EFNA5: variants seen among roughly 807,000 people sequenced by gnomAD.
EFNA5 encodes ephrin A5.
EFNA5 carries 5 observed loss-of-function variants against 22.9 expected under a neutral mutation model. The observed-to-expected ratio is 0.22, with a 90% confidence interval of 0.11 to 0.46. EFNA5 has a LOEUF of 0.46. Among genes scored for constraint, EFNA5 ranks in the 20% least tolerant of loss-of-function variants. The pLI is 0.99. For missense variants in EFNA5, 237 were observed against 293.3 expected, an observed-to-expected ratio of 0.81 and a Z score of 1.40; for synonymous variants, 113 against 112.2, an observed-to-expected ratio of 1.01 and a Z score of -0.04.
intron 1 of EFNA5, among the ~76,000 whole-genome samples, chr5:107,657,899 T>G (rs965189844): frequency 6.6e-6 from 1 of 152,150 alleles, no homozygotes; most frequent in African/African-American, 2.4e-5. Flanking sequence ...CTTCTGAATT[T>G]AACTAGTTCC....
At chr5:107,599,399 T>C (rs574324656) in intron 1 of EFNA5, among the ~76,000 whole-genome samples, 4 of 150,548 alleles carry the variant, frequency 2.7e-5, no homozygotes, top group South Asian at 4.2e-4. Flanking sequence ...AAGTAGGGAT[T>C]ATAAAACATA....
intron 1 of EFNA5, among the ~76,000 whole-genome samples, chr5:107,453,958 TG>T (rs1749625214): frequency 6.6e-6 from 1 of 151,950 alleles, no homozygotes; most frequent in African/African-American, 2.4e-5. Flanking sequence ...TGTGTGTGTG[TG>T]TGTGTGTATG....
intron 1 of EFNA5, among the ~76,000 whole-genome samples, chr5:107,591,975 TAA>T (rs1417302232): frequency 6.2e-4 from 20 of 32,192 alleles, no homozygotes; most frequent in Non-Finnish European, 6.4e-4. Flanking sequence ...ATAATATATA[TAA>T]TATATAATAT....
intron 1 of EFNA5, among the ~76,000 whole-genome samples, chr5:107,556,785 TAAATA>T (rs200854665): frequency 0.012 from 1,708 of 141,734 alleles, 35 homozygotes; most frequent in African/African-American, 0.043. Flanking sequence ...AATAAATAAA[TAAATA>T]AAATAAAATA....
At chr5:107,488,580 A>G (rs900353997) in intron 1 of EFNA5, among the ~76,000 whole-genome samples, 6 of 152,240 alleles carry the variant, frequency 3.9e-5, no homozygotes, top group African/African-American at 1.4e-4. Context: ...CCAAGTTTAA[A>G]AGAGCACTCC....
intron 1 of EFNA5, among the ~76,000 whole-genome samples, chr5:107,607,451 C>T (rs1271848843): frequency 6.6e-6 from 1 of 152,230 alleles, no homozygotes; most frequent in East Asian, 1.9e-4. Flanking sequence ...TAAGACAACA[C>T]TGTCTAGTTT....
At chr5:107,661,507 T>C (rs1750960472) in intron 1 of EFNA5, among the ~76,000 whole-genome samples, 1 of 152,232 alleles carries the variant, frequency 6.6e-6, no homozygotes, top group Admixed American at 6.5e-5. Context: ...GCCAGGGCAG[T>C]GGCCATGCTG....
intron 1 of EFNA5, among the ~76,000 whole-genome samples, chr5:107,668,203 T>G (rs942616638): frequency 6.6e-6 from 1 of 152,168 alleles, no homozygotes; most frequent in African/African-American, 2.4e-5. Context: ...AATGATCAAA[T>G]AGAAAGGTAA....
rs529998042 is a variant in EFNA5 at position 107,591,830 on chromosome 5, T to A, written c.125+78659A>T. ...AGGGAGACTCCGTCTCAAAAAAATA[T>A]ATATATATATATAAAATATATATAA... On this transcript the variant is annotated intron_variant, in intron 1 of 4. Coordinates refer to ENST00000333274, the MANE Select transcript of EFNA5 (RefSeq NM_001962.3). Among the ~76,000 whole-genome samples, 397 of 101,408 alleles carry A rather than the reference T, an allele frequency of 3.9e-3. 12 individuals are homozygous for A. The highest frequency in any genetic ancestry group is 0.016 in the African/African-American group (372 of 23,278). 66.5% of individuals were successfully genotyped at this position (101,408 alleles called of 152,430 possible). A position where few individuals can be genotyped will look rare whatever the true frequency, so the allele number is the denominator to read the frequency against.
chr5:107,656,937 C>T (rs996454097), intron 1 of EFNA5, among the ~76,000 whole-genome samples: 2 of 152,052 alleles, frequency 1.3e-5, no homozygotes, highest in African/African-American at 4.8e-5. Context: ...TGAGTCCTTG[C>T]CTATCCAACA....
intron 2 of EFNA5, among the ~76,000 whole-genome samples, chr5:107,418,299 G>A (rs1338512769): frequency 6.6e-6 from 1 of 152,128 alleles, no homozygotes; most frequent in Non-Finnish European, 1.5e-5. Flanking sequence ...GTACACACAC[G>A]TGATACAGCA....
intron 1 of EFNA5, among the ~76,000 whole-genome samples, chr5:107,459,730 A>G (rs552464431): frequency 6.6e-6 from 1 of 152,302 alleles, no homozygotes; most frequent in South Asian, 2.1e-4. Flanking sequence ...ACGCAATGGC[A>G]CAGCAGAAGA....
chr5:107,566,639 G>A (rs1748671782), intron 1 of EFNA5, among the ~76,000 whole-genome samples: 1 of 152,162 alleles, frequency 6.6e-6, no homozygotes, highest in South Asian at 2.1e-4. Flanking sequence ...AATTACTGCA[G>A]CTTCACAGAC....
chr5:107,474,570 G>A (rs182497908), intron 1 of EFNA5, among the ~76,000 whole-genome samples: 20 of 152,176 alleles, frequency 1.3e-4, no homozygotes, highest in African/African-American at 3.9e-4. Flanking sequence ...ATGCATCTTT[G>A]CATTACGAAC....
intron 1 of EFNA5, among the ~76,000 whole-genome samples, chr5:107,641,465 G>A (rs1035455612): frequency 2.0e-5 from 3 of 152,058 alleles, no homozygotes; most frequent in Non-Finnish European, 4.4e-5. Context: ...ATAATTTTCT[G>A]ATTAAGGTTA....
At position 107,670,538 on chromosome 5, in the gene EFNA5, T is replaced by C; in HGVS notation, c.76A>G (p.Lys26Glu). The C allele has an allele frequency of 1.9e-6, 3 of 1,590,288 alleles. No homozygotes were observed. The highest frequency in any genetic ancestry group is 2.6e-6 in the Non-Finnish European group (3 of 1,168,004). Residue 26 changes from lysine to glutamate, a missense_variant, in exon 1 of 5, where the codon AAG becomes GAG. Around this residue, in one of 3 missense-constraint regions of EFNA5, gnomAD observed 120 missense variants for 140.5 expected, o/e 0.85. Transcript: ENST00000333274. ...MCVFSQDPGS[K>E]AVADRYAVYW... ...ACAGCGTAGCGGTCGGCGACGGCCT[T>C]GGAGCCCGGGTCCTGGCTGAACACA...
intron 1 of EFNA5, among the ~76,000 whole-genome samples, chr5:107,647,595 T>G (rs1467125324): frequency 6.6e-6 from 1 of 152,172 alleles, no homozygotes; most frequent in Admixed American, 6.5e-5. Flanking sequence ...TAAGTTAAGT[T>G]GAACAGCTTT....
intron 1 of EFNA5, among the ~76,000 whole-genome samples, chr5:107,543,131 C>A (rs1748079529): frequency 6.6e-6 from 1 of 152,200 alleles, no homozygotes; most frequent in Admixed American, 6.5e-5. Context: ...CTGCTCCAAG[C>A]CCTTCCTGGG....
Position 107,377,236 on chromosome 5 carries a change from T to A in EFNA5, c.*4019A>T, listed in dbSNP as rs528813199. 6.6e-6 allele frequency: 1 copy of A among 152,178 alleles called. No individual in the cohort carries two copies. Among genetic ancestry groups the A allele is most frequent in the East Asian group, 1.9e-4 (1 of 5,166 alleles). The allele number at this position is 152,178 out of a possible 1,614,324, so 9.4% of individuals were successfully genotyped here. A position where few individuals can be genotyped will look rare whatever the true frequency, so the allele number is the denominator to read the frequency against. On this transcript the variant is annotated 3_prime_UTR_variant, in exon 5 of 5. Coordinates refer to ENST00000333274, the MANE Select transcript of EFNA5 (RefSeq NM_001962.3). ...AGCATCTATTAAACTGTACAGACAA[T>A]GGGAGCAAGCCCATTGTAGGGAGAT... is the stretch of plus-strand genomic sequence containing the variant.
Sources: allele counts gnomAD v4.1 joint callset (sites outside exome capture counted in the v4.1 genomes callset), GRCh38; gene constraint gnomAD v4.1.1; regional missense constraint gnomAD v4.1.1; transcripts MANE v1.5; gene names NCBI Gene and HGNC (gene_info 2026-07-23, HGNC 2026-07-21).